The following ABCC9 variants were observed in gnomAD, a reference collection of about 807,000 sequenced individuals.
ABCC9 encodes ATP-binding cassette sub-family C member 9.
In ABCC9, 95 loss-of-function variants were observed where a neutral mutation model predicts 188.3. The ratio of observed to expected loss-of-function variants is 0.50; its 90% confidence interval spans 0.43 to 0.60. ABCC9 has a LOEUF of 0.60. Ranked by LOEUF, ABCC9 falls within the 20% of genes least tolerant of loss-of-function variation. The probability of loss-of-function intolerance (pLI) is 0.00; values close to 1 mark genes in which losing one functional copy is unlikely to be tolerated. For synonymous variants in ABCC9, 659 were observed against 652.7 expected (o/e 1.01, Z -0.15); for missense variants, 1,102 against 1,876.3 (o/e 0.59, Z 7.62).
chr12:21,819,934 A>G (rs897563980), intron 31 of ABCC9, among the ~76,000 whole-genome samples: 8 of 152,228 alleles, frequency 5.3e-5, no homozygotes, highest in African/African-American at 1.7e-4. Flanking sequence ...ACAACTTGCC[A>G]CACCCCTACT....
At chr12:21,826,889 T>G (rs565521009) in intron 31 of ABCC9, among the ~76,000 whole-genome samples, 96 of 152,292 alleles carry the variant, frequency 6.3e-4, no homozygotes, top group African/African-American at 2.0e-3. Context: ...GTATTAATTT[T>G]TAAGGGAGAG....
At chr12:21,887,656 C>T (rs1283785775) in intron 15 of ABCC9, among the ~76,000 whole-genome samples, 170 bp downstream of exon 15, 2 of 152,202 alleles carry the variant, frequency 1.3e-5, no homozygotes, top group Non-Finnish European at 2.9e-5. Context: ...CTTATACATT[C>T]GTCTATTGAT....
intron 19 of ABCC9, 97 bp downstream of exon 19, chr12:21,864,342 C>T: frequency 1.1e-6 from 1 of 923,530 alleles, no homozygotes; most frequent in Non-Finnish European, 1.8e-6. Flanking sequence ...TAATAAATAA[C>T]TATACATTAT....
chr12:21,917,348 T>C (rs1948641135), intron 5 of ABCC9, among the ~76,000 whole-genome samples: 1 of 152,180 alleles, frequency 6.6e-6, no homozygotes, highest in Admixed American at 6.6e-5. Flanking sequence ...TGGGAGGATG[T>C]AAAGAGATAT....
intron 22 of ABCC9, among the ~76,000 whole-genome samples, chr12:21,858,595 C>A (rs1261130904): frequency 2.7e-5 from 4 of 149,942 alleles, no homozygotes; most frequent in South Asian, 4.3e-4. Context: ...AAAAAAAAAT[C>A]TACAATTACA....
intron 25 of ABCC9, among the ~76,000 whole-genome samples, chr12:21,847,553 GT>G (rs1944741028): frequency 6.6e-6 from 1 of 152,012 alleles, no homozygotes; most frequent in Admixed American, 6.6e-5. Flanking sequence ...TTAAAAGGTG[GT>G]TTATCTCACA....
At chr12:21,900,691 A>G (rs1412594728) in intron 12 of ABCC9, among the ~76,000 whole-genome samples, 1 of 152,246 alleles carries the variant, frequency 6.6e-6, no homozygotes, top group African/African-American at 2.4e-5. Flanking sequence ...GATTTGATCA[A>G]CTGGAGGAAA....
At chr12:21,883,082 A>T (rs1249317335) in intron 15 of ABCC9, among the ~76,000 whole-genome samples, 1 of 152,222 alleles carries the variant, frequency 6.6e-6, no homozygotes, top group Non-Finnish European at 1.5e-5. Context: ...AAAAAATGAA[A>T]AATATGAAAA....
At chr12:21,852,567 C>T in intron 22 of ABCC9, 62 bp from the exon 23 acceptor site, 1 of 1,574,786 alleles carries the variant, frequency 6.4e-7, no homozygotes, top group South Asian at 1.1e-5. Flanking sequence ...AACTCAATTC[C>T]TCTCGAAAAT....
intron 36 of ABCC9, among the ~76,000 whole-genome samples, chr12:21,811,580 C>T (rs1413304440): frequency 1.3e-5 from 2 of 152,018 alleles, no homozygotes; most frequent in African/African-American, 2.4e-5. Flanking sequence ...GATATCCCCC[C>T]CGCCCTTTTT....
chr12:21,819,350 A>C (rs1281658754), intron 31 of ABCC9, among the ~76,000 whole-genome samples: 1 of 152,208 alleles, frequency 6.6e-6, no homozygotes, highest in African/African-American at 2.4e-5. Flanking sequence ...ATGATAACAC[A>C]TTAATGACAG....
chr12:21,833,921 A>G (rs1417607204), intron 30 of ABCC9, among the ~76,000 whole-genome samples: 1 of 152,184 alleles, frequency 6.6e-6, no homozygotes, highest in Non-Finnish European at 1.5e-5. Flanking sequence ...ATGAAAACGC[A>G]ATAGTAAAAA....
chr12:21,811,781 T>G (rs927284955), intron 36 of ABCC9, among the ~76,000 whole-genome samples: 8 of 152,164 alleles, frequency 5.3e-5, no homozygotes, highest in African/African-American at 1.4e-4. Flanking sequence ...CTTAGAAATG[T>G]CTGCCAAGCA....
At position 21,859,028 on chromosome 12, in the gene ABCC9, C is replaced by T. The variant is rs1442650070; in HGVS notation, c.2505+558G>A. 3.9e-5 allele frequency among the ~76,000 whole-genome samples: 6 copies of T among 152,136 alleles called. No individual in the cohort carries two copies. In the East Asian group the frequency reaches 1.2e-3, roughly 29 times the overall value. On this transcript the variant is annotated intron_variant, in intron 22 of 39. Transcript: ENST00000261200. ...CCACAGCTAGAAGTAAATTATTAGTCCAAGATGGATATCACGAAAATCATT... is the reference window on the plus strand; with the variant it reads ...CCACAGCTAGAAGTAAATTATTAGTTCAAGATGGATATCACGAAAATCATT...
At chr12:21,904,990 T>A (rs1323187412) in intron 12 of ABCC9, among the ~76,000 whole-genome samples, 2 of 152,234 alleles carry the variant, frequency 1.3e-5, no homozygotes, top group Non-Finnish European at 2.9e-5. Context: ...ATGTGTTTAT[T>A]GCAGCACTAT....
At chr12:21,849,118 C>T (rs369366348) in intron 24 of ABCC9, among the ~76,000 whole-genome samples, 33 of 152,114 alleles carry the variant, frequency 2.2e-4, no homozygotes, top group African/African-American at 7.0e-4. Context: ...GAATTCTAAA[C>T]AACTAACCCA....
intron 6 of ABCC9, 90 bp from the exon 7 acceptor site, chr12:21,916,000 T>C (rs1948588942): frequency 2.2e-6 from 3 of 1,369,724 alleles, no homozygotes; most frequent in Non-Finnish European, 3.0e-6. Flanking sequence ...TACATTTTCA[T>C]TTCAGGTGAC....
chr12:21,841,954 A>G (rs948340003), intron 29 of ABCC9, among the ~76,000 whole-genome samples: 99 of 152,166 alleles, frequency 6.5e-4, no homozygotes, highest in Non-Finnish European at 3.1e-4. Context: ...ATCAAATACA[A>G]TTGTCCCCAT....
At chr12:21,831,506 A>T (rs1943757678) in intron 30 of ABCC9, among the ~76,000 whole-genome samples, 1 of 152,062 alleles carries the variant, frequency 6.6e-6, no homozygotes. Context: ...AAATGGTGCA[A>T]CACACTGTCT....
Sources: allele counts gnomAD v4.1 joint callset (sites outside exome capture counted in the v4.1 genomes callset), GRCh38; gene constraint gnomAD v4.1.1; transcripts MANE v1.5; gene names NCBI Gene and HGNC (gene_info 2026-07-23, HGNC 2026-07-21).